The following THADA variants were observed in gnomAD, a reference collection of about 807,000 sequenced individuals.
THADA encodes the protein THADA armadillo repeat containing.
Under a neutral mutation model 219.8 loss-of-function variants are expected in THADA, and 213 were observed. That is an observed-to-expected ratio of 0.97 (90% CI 0.87 to 1.09). THADA has a LOEUF of 1.09. Among genes scored for constraint, THADA ranks in the 50% least tolerant of loss-of-function variants. The probability of loss-of-function intolerance (pLI) is 0.00; values close to 1 mark genes in which losing one functional copy is unlikely to be tolerated. For missense variants in THADA, 2,956 were observed against 2,311.3 expected, an observed-to-expected ratio of 1.28 and a Z score of -5.72; for synonymous variants, 1,018 against 828.9, an observed-to-expected ratio of 1.23 and a Z score of -3.92.
intron 26 of THADA, among the ~76,000 whole-genome samples, chr2:43,483,767 T>TTA (rs946429974): frequency 2.0e-5 from 3 of 151,222 alleles, no homozygotes; most frequent in Non-Finnish European, 4.4e-5. Flanking sequence ...GTATATATAT[T>TTA]TATATATATA....
At chr2:43,360,735 A>C (rs1669413965) in intron 29 of THADA, among the ~76,000 whole-genome samples, 1 of 152,094 alleles carries the variant, frequency 6.6e-6, no homozygotes, top group African/African-American at 2.4e-5. Context: ...TTTCCCTTTC[A>C]CTATATTGCT....
chr2:43,568,208 A>C lies in THADA; in HGVS notation c.2188-1387T>G, dbSNP rs185390154. ...CTCACAGCCTTTTTATTAAAGGTTA[A>C]ATGAGAACATGGACATCTAATATTT... On this transcript the variant is annotated intron_variant, in intron 14 of 37. Transcript: ENST00000405975. 1.2e-4 allele frequency among the ~76,000 whole-genome samples: 18 copies of C among 152,304 alleles called. No homozygotes were observed. The East Asian group carries it at 3.3e-3, about 28-fold the overall frequency.
At chr2:43,235,218 GA>G (rs1333610877) in intron 36 of THADA, among the ~76,000 whole-genome samples, 1 of 152,132 alleles carries the variant, frequency 6.6e-6, no homozygotes, top group Non-Finnish European at 1.5e-5. Flanking sequence ...GACCTCAAGT[GA>G]TTCACCCGCC....
At chr2:43,573,017 T>C (rs1219919248) in intron 11 of THADA, 25 bp from the exon 12 acceptor site, 2 of 1,600,534 alleles carry the variant, frequency 1.2e-6, no homozygotes, top group African/African-American at 1.3e-5. Flanking sequence ...ACAAAGACCA[T>C]TACTGTATTA....
In THADA at chr2:43,409,295, G is replaced by T. The variant is rs550348223; in HGVS notation, c.4059-11156C>A. 4.0e-5 allele frequency among the ~76,000 whole-genome samples: 6 copies of T among 151,444 alleles called. No individual in the cohort carries two copies. In the East Asian group the frequency reaches 1.2e-3, roughly 29 times the overall value. On this transcript the variant is annotated intron_variant, in intron 28 of 37. Transcript: ENST00000405975. The stretch of plus-strand genomic sequence containing the variant: ...AAACACTTCAAGCTAAAACCAGAAA[G>T]AATGAATTTTTAAAAATAATAAAGT...
chr2:43,526,218 G>A lies in THADA; in HGVS notation c.3374+1661C>T, dbSNP rs142711652. On this transcript the variant is annotated intron_variant, in intron 22 of 37. Coordinates refer to ENST00000405975, the MANE Select transcript of THADA (RefSeq NM_022065.5). ...CCAATAAATGGAATGAATATACACAGAACTAAGAACCAGAGTCACAGATTA... is the reference window on the plus strand; with the variant it reads ...CCAATAAATGGAATGAATATACACAAAACTAAGAACCAGAGTCACAGATTA... 3.6e-3 allele frequency among the ~76,000 whole-genome samples: 542 copies of A among 152,268 alleles called. 3 individuals are homozygous for A. Among genetic ancestry groups the A allele is most frequent in the Non-Finnish European group, 6.0e-3 (411 of 68,022 alleles).
intron 25 of THADA, among the ~76,000 whole-genome samples, chr2:43,491,531 T>C (rs759451525): frequency 2.0e-5 from 3 of 152,166 alleles, no homozygotes; most frequent in Non-Finnish European, 4.4e-5. Context: ...ACGATTATAA[T>C]ATTGTATTTT....
intron 29 of THADA, among the ~76,000 whole-genome samples, chr2:43,370,620 A>G (rs1670690449): frequency 6.6e-6 from 1 of 152,226 alleles, no homozygotes. Flanking sequence ...AATATCCAAA[A>G]AAATAAAGTT....
chr2:43,244,572 G>GT (rs1668941642), intron 36 of THADA, among the ~76,000 whole-genome samples: 2 of 152,244 alleles, frequency 1.3e-5, no homozygotes, highest in Admixed American at 1.3e-4. Context: ...TCTGGAGCAG[G>GT]TAATAAAGGC....
chr2:43,563,462 T>A (rs1308574570), intron 15 of THADA: 2 of 152,222 alleles, frequency 1.3e-5, no homozygotes, highest in Admixed American at 6.5e-5. Context: ...ACATAAATAA[T>A]CTACATAATC....
chr2:43,287,151 G>A, intron 34 of THADA, 90 bp from the exon 35 acceptor site: 1 of 1,228,924 alleles, frequency 8.1e-7, no homozygotes, highest in South Asian at 1.5e-5. Flanking sequence ...AACTGGGCCT[G>A]TAGATTAGCT....
intron 36 of THADA, among the ~76,000 whole-genome samples, chr2:43,247,754 A>G (rs6751326): frequency 0.18 from 22,929 of 130,456 alleles, 2,542 homozygotes; most frequent in African/African-American, 0.31. Flanking sequence ...AAAAAAAAAA[A>G]GGGGGGTGCT....
At chr2:43,338,005 G>C (rs1445814378) in intron 30 of THADA, among the ~76,000 whole-genome samples, 1 of 151,276 alleles carries the variant, frequency 6.6e-6, no homozygotes, top group African/African-American at 2.4e-5. Context: ...TGAATGATGG[G>C]GTATATTTTC....
At position 43,232,750 on chromosome 2, in the gene THADA, C is replaced by G. The variant is rs761064007; in HGVS notation, c.5429G>C (p.Ser1810Thr). Reference sequence around the variant, plus strand: ...CTCCACACAGGCCACGAGGTCATCACTCTCTCCCAACAGCCATCCCAGCAG... The same window carrying G: ...CTCCACACAGGCCACGAGGTCATCAGTCTCTCCCAACAGCCATCCCAGCAG... ...PILLGWLLGESDDLVACVESM... is the reference protein window; with the variant it reads ...PILLGWLLGETDDLVACVESM... Residue 1810 changes from serine to threonine, a missense_variant, in exon 37 of 38, where the codon AGT (serine) becomes ACT (threonine). Physicochemically the swap from Ser to Thr is moderately conservative, Grantham distance 58 (BLOSUM62 1). Coordinates refer to ENST00000405975, the MANE Select transcript of THADA (RefSeq NM_022065.5). 1.1e-5 allele frequency: 17 copies of G among 1,613,810 alleles called. No individual in the cohort carries two copies. In the African/African-American group the frequency reaches 2.0e-4, roughly 19 times the overall value.
At chr2:43,508,866 A>C (rs1261212230) in intron 22 of THADA, 86 bp from the exon 23 acceptor site, 1 of 1,327,184 alleles carries the variant, frequency 7.5e-7, no homozygotes, top group Non-Finnish European at 1.1e-6. Context: ...ACTGTTAGTA[A>C]ATAATAAATA....
intron 28 of THADA, among the ~76,000 whole-genome samples, chr2:43,405,246 T>C (rs1392080233): frequency 6.6e-6 from 1 of 152,234 alleles, no homozygotes; most frequent in East Asian, 1.9e-4. Context: ...TTTAATTCTG[T>C]GTGGTTCGTA....
chr2:43,552,086 T>A (rs1364032734), intron 18 of THADA, 118 bp downstream of exon 18: 2 of 1,517,604 alleles, frequency 1.3e-6, no homozygotes, highest in African/African-American at 2.8e-5. Flanking sequence ...TAAATCTGAT[T>A]TTCAATTTTA....
chr2:43,595,912 G>A lies in THADA; in HGVS notation c.-25+19C>T, dbSNP rs916197675. The A allele has an allele frequency of 5.2e-5, 8 of 152,444 alleles. No individual in the cohort carries two copies. The highest frequency in any genetic ancestry group is 3.9e-4 in the Admixed American group (6 of 15,306). 9.4% of individuals were successfully genotyped at this position (152,444 alleles called of 1,614,324 possible). On this transcript the variant is annotated intron_variant, in intron 1 of 37. Transcript: ENST00000405975. ...CGAGCTACCGCGGGTCTGGCAGGCA[G>A]GACACCTGGGAGCCAAACCTCGTGC...
chr2:43,503,362 GAA>G (rs1299904827), intron 24 of THADA, among the ~76,000 whole-genome samples: 3 of 152,200 alleles, frequency 2.0e-5, no homozygotes, highest in Non-Finnish European at 4.4e-5. Context: ...GTTCAGAAAT[GAA>G]AGTGAACAGG....
Sources: gnomAD v4.1 joint callset for allele counts (sites outside exome capture counted in the v4.1 genomes callset) on GRCh38, gnomAD v4.1.1 for gene constraint, MANE v1.5 for transcripts, NCBI Gene and HGNC (gene_info 2026-07-23, HGNC 2026-07-21) for gene names.